Variants in TTC7A observed in about 807,000 individuals in gnomAD.
TTC7A encodes tetratricopeptide repeat domain 7A, also known as tetratricopeptide repeat protein 7A.
In TTC7A, 110 loss-of-function variants were observed where a neutral mutation model predicts 103.7. The observed-to-expected ratio is 1.06, with a 90% confidence interval of 0.91 to 1.24. The LOEUF (loss-of-function observed/expected upper bound fraction) is 1.24, where lower values mean the gene tolerates loss of function less well. Among genes scored for constraint, TTC7A ranks in the 50% most tolerant of loss-of-function variants. TTC7A has a pLI of 0.00. For missense variants in TTC7A, 1,340 were observed against 1,116.3 expected, an observed-to-expected ratio of 1.20 and a Z score of -2.86; for synonymous variants, 521 against 467.9, an observed-to-expected ratio of 1.11 and a Z score of -1.47.
intron 2 of TTC7A, among the ~76,000 whole-genome samples, chr2:46,932,298 C>T (rs1669747176): frequency 6.6e-6 from 1 of 151,970 alleles, no homozygotes; most frequent in African/African-American, 2.4e-5. Context: ...TACAGGTGCC[C>T]CCACCATACT....
At chr2:47,052,381 G>A (rs565695358) in intron 18 of TTC7A, among the ~76,000 whole-genome samples, 1 of 152,342 alleles carries the variant, frequency 6.6e-6, no homozygotes, top group East Asian at 1.9e-4. Context: ...TGGCTCCAGA[G>A]TTCCACAGAC....
chr2:46,999,577 C>T, intron 8 of TTC7A: 1 of 985,466 alleles, frequency 1.0e-6, no homozygotes, highest in South Asian at 4.7e-5. Flanking sequence ...CTCCCATCTA[C>T]TGCAGTTTGT....
chr2:47,031,146 CA>C (rs1558602725), intron 15 of TTC7A, among the ~76,000 whole-genome samples: 1 of 151,998 alleles, frequency 6.6e-6, no homozygotes, highest in African/African-American at 2.4e-5. Flanking sequence ...GACTCAGTCT[CA>C]AAAAAGAAAG....
At chr2:46,917,926 T>A (rs1254815749) in intron 2 of TTC7A, among the ~76,000 whole-genome samples, 2 of 152,244 alleles carry the variant, frequency 1.3e-5, no homozygotes, top group Non-Finnish European at 2.9e-5. Flanking sequence ...GGCTTCTCAA[T>A]CTATAATTAT....
chr2:46,958,651 C>T, intron 3 of TTC7A: 2 of 811,598 alleles, frequency 2.5e-6, no homozygotes, highest in South Asian at 3.3e-5. Flanking sequence ...TGCCTGCCTC[C>T]TCTCTGCCTG....
intron 10 of TTC7A, among the ~76,000 whole-genome samples, chr2:47,008,497 C>T (rs1450817671): frequency 2.0e-5 from 3 of 152,226 alleles, no homozygotes; most frequent in African/African-American, 7.2e-5. Flanking sequence ...GGCTCCTTCA[C>T]AGACCAGCAA....
intron 1 of TTC7A, among the ~76,000 whole-genome samples, chr2:46,942,922 T>G (rs1388259339): frequency 6.6e-6 from 1 of 151,514 alleles, no homozygotes; most frequent in Admixed American, 6.6e-5. Flanking sequence ...TTGTTTGTTT[T>G]TGAGACAGGG....
In TTC7A at chr2:47,074,094, T is replaced by G. The variant is rs1685018844; in HGVS notation, c.*171T>G. ...TCTCTTGGCTGGGCCAAGAGGGCCT[T>G]CCTGGATTTCTTTGTTGGTGCCTTG... On this transcript the variant is annotated 3_prime_UTR_variant, in exon 20 of 20. Coordinates refer to ENST00000319190, the MANE Select transcript of TTC7A (RefSeq NM_020458.4). 1 of 607,614 alleles carries G rather than the reference T, an allele frequency of 1.6e-6. No homozygotes were observed. Among genetic ancestry groups the G allele is most frequent in the Non-Finnish European group, 2.9e-6 (1 of 344,572 alleles). The allele number at this position is 607,614 out of a possible 1,614,324, so 37.6% of individuals were successfully genotyped here.
rs1333017223 is a variant in TTC7A at position 47,057,901 on chromosome 2, GT to G, written c.2153-2867del. Among the ~76,000 whole-genome samples the G allele has an allele frequency of 1.4e-4, 22 of 152,166 alleles. 1 individual carries two copies. Among genetic ancestry groups the G allele is most frequent in the African/African-American group, 5.1e-4 (21 of 41,412 alleles). The stretch of plus-strand genomic sequence containing the variant: ...CAGATGTGGCACTTGTCATTCCACT[GT>G]CCTGGTCTCTGAAGTGGTTTAGTGG... On this transcript the variant is annotated intron_variant, in intron 18 of 19. Transcript: ENST00000319190.
At chr2:46,929,563 A>C (rs929610408) in intron 2 of TTC7A, among the ~76,000 whole-genome samples, 9 of 152,230 alleles carry the variant, frequency 5.9e-5, no homozygotes, top group African/African-American at 1.9e-4. Context: ...AAGGAAATGT[A>C]AAAAAATTTT....
chr2:46,993,651 G>A, intron 6 of TTC7A, 123 bp downstream of exon 6: 2 of 858,392 alleles, frequency 2.3e-6, no homozygotes, highest in Non-Finnish European at 3.9e-6. Flanking sequence ...GCTTGTGGCA[G>A]AGGTTGGTAA....
chr2:46,962,058 C>G (rs1027984848), intron 3 of TTC7A, among the ~76,000 whole-genome samples: 3 of 152,234 alleles, frequency 2.0e-5, no homozygotes, highest in African/African-American at 7.2e-5. Context: ...AATTCCAAGC[C>G]TCTTGAGTAC....
intron 18 of TTC7A, among the ~76,000 whole-genome samples, chr2:47,059,848 T>G (rs1037134151): frequency 1.3e-5 from 2 of 152,084 alleles, no homozygotes; most frequent in Non-Finnish European, 2.9e-5. Flanking sequence ...TTTTTGCCCC[T>G]CTAAAGTGGG....
chr2:47,054,160 A>G lies in TTC7A; in HGVS notation c.2152+2280A>G, dbSNP rs774576369. ...TTGAATGTGGCGCTGCATCAGGGTCAGGCAGTGTAGTATTAGGAGACCAGT... is the reference window on the plus strand; with the variant it reads ...TTGAATGTGGCGCTGCATCAGGGTCGGGCAGTGTAGTATTAGGAGACCAGT... On this transcript the variant is annotated intron_variant, in intron 18 of 19. Coordinates refer to ENST00000319190, the MANE Select transcript of TTC7A (RefSeq NM_020458.4). 1.9e-4 allele frequency: 183 copies of G among 985,342 alleles called. 1 individual carries two copies. The highest frequency in any genetic ancestry group is 2.1e-4 in the Non-Finnish European group (171 of 829,950). 61.0% of individuals were successfully genotyped at this position (985,342 alleles called of 1,614,324 possible).
At chr2:47,018,306 G>A (rs995091312) in intron 11 of TTC7A, among the ~76,000 whole-genome samples, 3 of 150,458 alleles carry the variant, frequency 2.0e-5, no homozygotes, top group South Asian at 4.2e-4. Flanking sequence ...AAGCTGGCCA[G>A]GCACAGTGGC....
chr2:46,941,865 A>C lies in TTC7A; in HGVS notation c.184+140A>C. The C allele has an allele frequency of 9.2e-7, 1 of 1,083,218 alleles. No individual in the cohort carries two copies. The allele number at this position is 1,083,218 out of a possible 1,614,324, so 67.1% of individuals were successfully genotyped here. On this transcript the variant is annotated intron_variant, in intron 1 of 19. Transcript: ENST00000319190. This position sits in a 1 kb window ranked among gnomAD's most constrained non-coding sequence, Gnocchi z 4.2. ...TGCTAGTCTTAAGAGCAGCCAGGGCAGTTAGGAAGGTCCTTCTGCCGCGAG... is the reference window on the plus strand; with the variant it reads ...TGCTAGTCTTAAGAGCAGCCAGGGCCGTTAGGAAGGTCCTTCTGCCGCGAG...
chr2:47,068,288 G>C (rs540524684), intron 19 of TTC7A: 1 of 152,178 alleles, frequency 6.6e-6, no homozygotes, highest in Non-Finnish European at 1.5e-5. Context: ...GCAGGGTACC[G>C]GGTTCCTGGG....
intron 16 of TTC7A, 119 bp downstream of exon 16, chr2:47,046,550 G>C: frequency 2.7e-6 from 2 of 752,790 alleles, no homozygotes; most frequent in South Asian, 1.6e-5. Context: ...TTGAATGAGA[G>C]CGTGGAACTT....
intron 19 of TTC7A, among the ~76,000 whole-genome samples, chr2:47,070,959 G>A (rs1236426097): frequency 1.3e-5 from 2 of 152,206 alleles, no homozygotes; most frequent in African/African-American, 4.8e-5. Context: ...TCAGCGTGGG[G>A]CACATCCTCA....
Sources: gnomAD v4.1 joint callset for allele counts (sites outside exome capture counted in the v4.1 genomes callset) on GRCh38, gnomAD v4.1.1 for gene constraint, Gnocchi (gnomAD v3.1) non-coding constraint, MANE v1.5 for transcripts, NCBI Gene and HGNC (gene_info 2026-07-23, HGNC 2026-07-21) for gene names.